The following KRT10 variants were observed in gnomAD, a reference collection of about 807,000 sequenced individuals.
The protein encoded by KRT10 is keratin 10, also known as keratin, type I cytoskeletal 10.
A neutral mutation model predicts 59.2 loss-of-function variants in KRT10; 40 were observed. The observed-to-expected ratio is 0.68, with a 90% confidence interval of 0.52 to 0.88. KRT10 has a LOEUF of 0.88. KRT10 is among the 40% of genes least tolerant of loss of function. The pLI, the probability that KRT10 is intolerant of heterozygous loss-of-function variation, is 0.00. For synonymous variants in KRT10, 336 were observed against 310.7 expected (o/e 1.08, Z -0.86); for missense variants, 719 against 749.1 (o/e 0.96, Z 0.47).
In KRT10 at chr17:40,818,582, G is replaced by A. The variant is rs1027534795; in HGVS notation, c.1749-100C>T. The stretch of plus-strand genomic sequence containing the variant: ...AAGAAGGAAATTTCAACTTTACATT[G>A]TTAAGCCCAAAAAAATGCTTAAGGT... On this transcript the variant is annotated intron_variant, in intron 7 of 7. Coordinates refer to ENST00000269576, the MANE Select transcript of KRT10 (RefSeq NM_000421.5). 1.3e-5 allele frequency: 16 copies of A among 1,243,826 alleles called. No homozygotes were observed. In the East Asian group the frequency reaches 3.8e-4, roughly 30 times the overall value. 77.0% of individuals were successfully genotyped at this position (1,243,826 alleles called of 1,614,324 possible). A position where few individuals can be genotyped will look rare whatever the true frequency, so the allele number is the denominator to read the frequency against.
In KRT10 at chr17:40,818,970, T is replaced by TGGCCGCCGC; in HGVS notation, c.1556_1564dup (p.Gly521_His522insArgGlyGly). 1 of 1,340,648 alleles carries TGGCCGCCGC rather than the reference T, an allele frequency of 7.5e-7. No homozygotes were observed. The highest frequency in any genetic ancestry group is 1.7e-5 in the South Asian group (1 of 59,106). The allele number at this position is 1,340,648 out of a possible 1,614,324, so 83.0% of individuals were successfully genotyped here. On this transcript the variant is annotated inframe_insertion, in exon 7 of 8. Coordinates refer to ENST00000269576, the MANE Select transcript of KRT10 (RefSeq NM_000421.5). The stretch of plus-strand genomic sequence containing the variant: ...GTAGCCGCCGCTGGAACTGCCGCCG[T>TGGCCGCCGC]GGCCGCCGCTGGAGCTTCCGCCCCC...
At chr17:40,820,894 A>G (rs1905344135) in intron 2 of KRT10, 141 bp downstream of exon 2, 2 of 893,836 alleles carry the variant, frequency 2.2e-6, no homozygotes, top group Non-Finnish European at 3.5e-6. Context: ...TGACATGGAA[A>G]ATTTCTCAGA....
rs996124525 is a variant in KRT10 at position 40,818,870 on chromosome 17, G to A, written c.1665C>T (p.Gly555=). The change falls in exon 7 of 8, where the codon GGC becomes GGT. Residue 555 remains glycine, a synonymous_variant. Coordinates refer to ENST00000269576, the MANE Select transcript of KRT10 (RefSeq NM_000421.5). ...GSSGGGSSSG[G]GYGGGSSSGG... is the part of the protein sequence containing the mutation. Reference sequence around the variant, plus strand: ...CGCTGGAGCTGCCGCCGCCGTATCCGCCGCCGGAGCTGCTGCCGCCGCCGG... The same window carrying A: ...CGCTGGAGCTGCCGCCGCCGTATCCACCGCCGGAGCTGCTGCCGCCGCCGG... The A allele has an allele frequency of 6.5e-7, 1 of 1,539,346 alleles. No individual in the cohort carries two copies. Among genetic ancestry groups the A allele is most frequent in the South Asian group, 1.2e-5 (1 of 84,500 alleles).
In KRT10 at chr17:40,818,247, T is replaced by C. The variant is rs949034912; in HGVS notation, c.*229A>G. The C allele has an allele frequency of 1.1e-5, 6 of 548,966 alleles. No homozygotes were observed. Among genetic ancestry groups the C allele is most frequent in the Middle Eastern group, 2.9e-4 (1 of 3,398 alleles). 34.0% of individuals were successfully genotyped at this position (548,966 alleles called of 1,614,324 possible). On this transcript the variant is annotated 3_prime_UTR_variant, in exon 8 of 8. Transcript: ENST00000269576. The stretch of plus-strand genomic sequence containing the variant: ...AATACAGAAACCACAAAACACCTTG[T>C]AGACACCTTATTTTCAAGGTCTATT...
intron 7 of KRT10, 48 bp from the exon 8 acceptor site, chr17:40,818,530 T>G: frequency 3.8e-6 from 5 of 1,304,094 alleles, no homozygotes; most frequent in Non-Finnish European, 5.6e-6. Context: ...TAGGGATCCT[T>G]AGTAATTAAC....
At position 40,819,062 on chromosome 17, in the gene KRT10, G is replaced by C. The variant is rs1399182334; in HGVS notation, c.1473C>G (p.His491Gln). The stretch of plus-strand genomic sequence containing the variant: ...CGTAGCCGCCGCCGGAACTGCCGCC[G>C]TGGCCGCCGCCGTGGCCGCCGCCGG... ...GSSGGGHGGG[H>Q]GGSSGGGYGG... Residue 491 changes from histidine to glutamine, a missense_variant, in exon 7 of 8, where the codon CAC (histidine) becomes CAG (glutamine). Around this residue, in one of 4 missense-constraint regions of KRT10, gnomAD observed 315 missense variants for 270.6 expected, o/e 1.16. Coordinates refer to ENST00000269576, the MANE Select transcript of KRT10 (RefSeq NM_000421.5). The C allele has an allele frequency of 3.1e-5, 22 of 720,066 alleles. No individual in the cohort carries two copies. The highest frequency in any genetic ancestry group is 4.0e-5 in the Non-Finnish European group (21 of 527,230). 44.6% of individuals were successfully genotyped at this position (720,066 alleles called of 1,614,324 possible). A position where few individuals can be genotyped will look rare whatever the true frequency, so the allele number is the denominator to read the frequency against.
At chr17:40,819,489 T>C in intron 6 of KRT10, 28 bp downstream of exon 6, 2 of 1,584,472 alleles carry the variant, frequency 1.3e-6, no homozygotes, top group Non-Finnish European at 1.7e-6. Flanking sequence ...TAAAAGAAAC[T>C]GGGATAACTT....
At chr17:40,818,554 A>T in intron 7 of KRT10, 72 bp from the exon 8 acceptor site, 1 of 1,281,286 alleles carries the variant, frequency 7.8e-7, no homozygotes, top group South Asian at 1.2e-5. Flanking sequence ...CAAATATTGT[A>T]AAAAGAAGGA....
intron 7 of KRT10, 50 bp from the exon 8 acceptor site, chr17:40,818,532 G>C: frequency 7.6e-7 from 1 of 1,310,420 alleles, no homozygotes; most frequent in Non-Finnish European, 1.1e-6. Context: ...GGGATCCTTA[G>C]TAATTAACAA....
intron 1 of KRT10, among the ~76,000 whole-genome samples, 179 bp from the exon 2 acceptor site, chr17:40,821,296 C>T (rs1905368002): frequency 6.6e-6 from 1 of 152,158 alleles, no homozygotes; most frequent in South Asian, 2.1e-4. Flanking sequence ...TATTTGTTCT[C>T]TTGGAATTTC....
chr17:40,820,692 T>C (rs1367342333), intron 2 of KRT10, 25 bp from the exon 3 acceptor site: 2 of 1,613,392 alleles, frequency 1.2e-6, no homozygotes, highest in Non-Finnish European at 8.5e-7. Flanking sequence ...ATATCAATAC[T>C]GGTTATAACT....
In KRT10 at chr17:40,819,596, A is replaced by C. The variant is rs776722275; in HGVS notation, c.1294T>G (p.Tyr432Asp). The change falls in exon 6 of 8, where the codon TAC becomes GAC. Residue 432 changes from tyrosine to aspartate, a missense_variant. Physicochemically the swap from Tyr to Asp is radical, Grantham distance 160 (BLOSUM62 -3). This residue lies in a region of KRT10 where 315 missense variants were observed against 270.6 expected (regional missense o/e 1.16). Transcript: ENST00000269576. ...RAETECQNTE[Y>D]QQLLDIKIRL... is the part of the protein sequence containing the mutation. ...ATCTTAATATCCAGGAGTTGTTGGT[A>C]TTCAGTATTCTGGCACTCGGTTTCA... 1 of 1,614,206 alleles carries C rather than the reference A, an allele frequency of 6.2e-7. No homozygotes were observed. Among genetic ancestry groups the C allele is most frequent in the African/African-American group, 1.3e-5 (1 of 75,062 alleles).
intron 1 of KRT10, among the ~76,000 whole-genome samples, chr17:40,821,522 GA>G (rs1905381687): frequency 6.6e-6 from 1 of 152,164 alleles, no homozygotes. Context: ...GTACAATTCA[GA>G]AATTCCTTAG....
In KRT10 at chr17:40,820,394, A is replaced by G. The variant is rs1132266; in HGVS notation, c.897T>C (p.Thr299=). Reference sequence around the variant, plus strand: ...CATTCATTTCCACATTCACATCACCAGTGGACACATTTCGAAGGTCTTTCA... The same window carrying G: ...CATTCATTTCCACATTCACATCACCGGTGGACACATTTCGAAGGTCTTTCA... The part of the protein sequence containing the change: ...EEMKDLRNVS[T]GDVNVEMNAA... Residue 299 remains threonine, a synonymous_variant, in exon 4 of 8, where the codon ACT becomes ACC. Coordinates refer to ENST00000269576, the MANE Select transcript of KRT10 (RefSeq NM_000421.5). The G allele has an allele frequency of 6.2e-7, 1 of 1,614,238 alleles. No homozygotes were observed. Among genetic ancestry groups the G allele is most frequent in the East Asian group, 2.2e-5 (1 of 44,890 alleles).
In KRT10 at chr17:40,818,382, G is replaced by T; in HGVS notation, c.*94C>A. 1.3e-6 allele frequency: 2 copies of T among 1,572,254 alleles called. No homozygotes were observed. The highest frequency in any genetic ancestry group is 1.1e-5 in the South Asian group (1 of 89,068). On this transcript the variant is annotated 3_prime_UTR_variant, in exon 8 of 8. Coordinates refer to ENST00000269576, the MANE Select transcript of KRT10 (RefSeq NM_000421.5). ...TCTTTCCTCTTGATGCAGTTTAATAGTAGTGTTTCTTGGTTTCTGATTCAA... is the reference window on the plus strand; with the variant it reads ...TCTTTCCTCTTGATGCAGTTTAATATTAGTGTTTCTTGGTTTCTGATTCAA...
At position 40,818,150 on chromosome 17, in the gene KRT10, C is replaced by A; in HGVS notation, c.*326G>T. 1 of 322,752 alleles carries A rather than the reference C, an allele frequency of 3.1e-6. No homozygotes were observed. Among genetic ancestry groups the A allele is most frequent in the Non-Finnish European group, 5.7e-6 (1 of 174,600 alleles). 20.0% of individuals were successfully genotyped at this position (322,752 alleles called of 1,614,324 possible). On this transcript the variant is annotated 3_prime_UTR_variant, in exon 8 of 8. Coordinates refer to ENST00000269576, the MANE Select transcript of KRT10 (RefSeq NM_000421.5). ...ATCAGTAAGAAAGTTTATTGAAATT[C>A]ATTAGTAAATGAGAACAGAAAGTTG... is the stretch of plus-strand genomic sequence containing the variant.
Position 40,819,867 on chromosome 17 carries a change from C to T in KRT10, c.1156-133G>A. 8.2e-6 allele frequency: 9 copies of T among 1,091,510 alleles called. No homozygotes were observed. In the South Asian group the frequency reaches 1.0e-4, roughly 13 times the overall value. The allele number at this position is 1,091,510 out of a possible 1,614,324, so 67.6% of individuals were successfully genotyped here. A position where few individuals can be genotyped will look rare whatever the true frequency, so the allele number is the denominator to read the frequency against. The stretch of plus-strand genomic sequence containing the variant: ...AGAATTTGTTGTATGTTTAATGGCA[C>T]CATTTCAGTTTCAGCACTTTTAGAT... On this transcript the variant is annotated intron_variant, in intron 5 of 7. Transcript: ENST00000269576.
At chr17:40,819,200 T>C in intron 6 of KRT10, 39 bp from the exon 7 acceptor site, 1 of 1,594,688 alleles carries the variant, frequency 6.3e-7, no homozygotes, top group Middle Eastern at 1.7e-4. Context: ...TCTCTAACGT[T>C]GGAAAACGGT....
intron 2 of KRT10, among the ~76,000 whole-genome samples, 164 bp downstream of exon 2, chr17:40,820,871 A>G (rs1258573137): frequency 2.0e-5 from 3 of 152,260 alleles, no homozygotes; most frequent in Non-Finnish European, 2.9e-5. Context: ...TAATATTGCC[A>G]AAAAGGTAAC....
Sources: allele counts gnomAD v4.1 joint callset (sites outside exome capture counted in the v4.1 genomes callset), GRCh38; gene constraint gnomAD v4.1.1; regional missense constraint gnomAD v4.1.1; transcripts MANE v1.5; gene names NCBI Gene and HGNC (gene_info 2026-07-23, HGNC 2026-07-21).